The following TNFSF4 variants were observed in gnomAD, a reference collection of about 807,000 sequenced individuals.
The protein encoded by TNFSF4 is tumor necrosis factor ligand superfamily member 4.
A neutral mutation model predicts 7.3 loss-of-function variants in TNFSF4; 4 were observed. The observed-to-expected ratio is 0.55, with a 90% CI of 0.27 to 1.25. The LOEUF is 1.25. Ranked by LOEUF, TNFSF4 falls within the 50% of genes most tolerant of loss-of-function variation. The pLI is 0.12. For synonymous variants in TNFSF4, 76 were observed against 83.7 expected, an observed-to-expected ratio of 0.91 and a Z score of 0.50; for missense variants, 181 against 208.8, an observed-to-expected ratio of 0.87 and a Z score of 0.82.
chr1:173,243,005 G>GGT, the TNFSF4 span, among the ~76,000 whole-genome samples: 17 of 31,956 alleles, frequency 5.3e-4, 2 homozygotes, highest in East Asian at 2.9e-3. Context: ...GTTGGTGGGT[G>GGT]GGGGGGGGGG....
At chr1:173,444,275 C>T in the TNFSF4 span, among the ~76,000 whole-genome samples, 1 of 152,164 alleles carries the variant, frequency 6.6e-6, no homozygotes, top group Non-Finnish European at 1.5e-5. Context: ...TGCAAACACA[C>T]ACACAAACAC....
At chr1:173,384,813 AT>A in the TNFSF4 span, among the ~76,000 whole-genome samples, 1 of 152,050 alleles carries the variant, frequency 6.6e-6, no homozygotes, top group Non-Finnish European at 1.5e-5. Flanking sequence ...ACTGAGACCC[AT>A]TTTTTCTCAT....
At chr1:173,370,172 G>C in the TNFSF4 span, among the ~76,000 whole-genome samples, 1 of 152,182 alleles carries the variant, frequency 6.6e-6, no homozygotes. Flanking sequence ...TAGATATACA[G>C]ATGTCCTACA....
chr1:173,362,600 C>G, the TNFSF4 span: 2 of 506,996 alleles, frequency 3.9e-6, no homozygotes, highest in Middle Eastern at 4.7e-4. Flanking sequence ...GTTGCCAACT[C>G]CTGGGTAAGT....
the TNFSF4 span, among the ~76,000 whole-genome samples, chr1:173,231,097 A>G: frequency 6.6e-6 from 1 of 152,208 alleles, no homozygotes; most frequent in Admixed American, 6.5e-5. Context: ...TCACTTTATG[A>G]GGCCAGCATC....
the TNFSF4 span, among the ~76,000 whole-genome samples, chr1:173,283,638 A>G: frequency 2.0e-5 from 3 of 152,206 alleles, no homozygotes; most frequent in Non-Finnish European, 4.4e-5. Context: ...AAAAGCTGGT[A>G]GTCACCACAA....
chr1:173,323,419 A>C, the TNFSF4 span, among the ~76,000 whole-genome samples: 1 of 152,222 alleles, frequency 6.6e-6, no homozygotes, highest in Non-Finnish European at 1.5e-5. Context: ...AGGTAAAAAC[A>C]GAGCAGAAAA....
chr1:173,299,298 T>C, the TNFSF4 span, among the ~76,000 whole-genome samples: 1 of 151,890 alleles, frequency 6.6e-6, no homozygotes, highest in Non-Finnish European at 1.5e-5. Flanking sequence ...TTATGAAAGC[T>C]GCTTTGCCCA....
the TNFSF4 span, among the ~76,000 whole-genome samples, chr1:173,349,460 A>G: frequency 6.6e-6 from 1 of 152,230 alleles, no homozygotes; most frequent in Non-Finnish European, 1.5e-5. Flanking sequence ...TATACTATAT[A>G]TTATCATCTT....
the TNFSF4 span, among the ~76,000 whole-genome samples, chr1:173,249,985 C>T: frequency 6.6e-6 from 1 of 152,062 alleles, no homozygotes; most frequent in East Asian, 1.9e-4. Context: ...ATGTAACAAA[C>T]CTGCACATTC....
the TNFSF4 span, among the ~76,000 whole-genome samples, chr1:173,427,473 G>A: frequency 1.3e-5 from 2 of 151,872 alleles, no homozygotes. Context: ...TAGTGATGAA[G>A]TCAAGAAACC....
At chr1:173,231,201 T>C in the TNFSF4 span, among the ~76,000 whole-genome samples, 1 of 152,004 alleles carries the variant, frequency 6.6e-6, no homozygotes, top group Non-Finnish European at 1.5e-5. Flanking sequence ...CCTCAGTAAA[T>C]TACTGGCAAA....
chr1:173,269,828 G>C, the TNFSF4 span, among the ~76,000 whole-genome samples: 1 of 152,124 alleles, frequency 6.6e-6, no homozygotes, highest in Non-Finnish European at 1.5e-5. Context: ...ACTGTTTTGG[G>C]GTTCAGTAAA....
At chr1:173,191,361 C>G (rs570549287) in intron 1 of TNFSF4, among the ~76,000 whole-genome samples, 1 of 152,180 alleles carries the variant, frequency 6.6e-6, no homozygotes, top group Admixed American at 6.5e-5. Context: ...GTTTGCATAT[C>G]CTCAGAAGTC....
chr1:173,180,639 T>C (rs1649039326), downstream of TNFSF4, among the ~76,000 whole-genome samples: 1 of 152,180 alleles, frequency 6.6e-6, no homozygotes, highest in African/African-American at 2.4e-5. Flanking sequence ...ATGAGAATTG[T>C]TTATTACTTA....
chr1:173,430,786 G>C, the TNFSF4 span, among the ~76,000 whole-genome samples: 1 of 152,172 alleles, frequency 6.6e-6, no homozygotes, highest in African/African-American at 2.4e-5. Context: ...GTAACTCAGA[G>C]GCTGTGTACT....
intron 1 of TNFSF4, among the ~76,000 whole-genome samples, chr1:173,195,326 G>GGGTT (rs1333429168): frequency 1.3e-5 from 2 of 152,220 alleles, no homozygotes; most frequent in Non-Finnish European, 2.9e-5. Flanking sequence ...CAATGTTGCA[G>GGGTT]GGTTGCCTAT....
At chr1:173,376,967 C>A in the TNFSF4 span, among the ~76,000 whole-genome samples, 1 of 152,108 alleles carries the variant, frequency 6.6e-6, no homozygotes, top group Non-Finnish European at 1.5e-5. Flanking sequence ...TGTAACACTG[C>A]GAGGATCTGC....
At chr1:173,276,662 T>C in the TNFSF4 span, among the ~76,000 whole-genome samples, 1 of 152,170 alleles carries the variant, frequency 6.6e-6, no homozygotes, top group African/African-American at 2.4e-5. Context: ...AGTTTTCTAT[T>C]TGACATTTCA....
Sources: gnomAD v4.1 joint callset for allele counts (sites outside exome capture counted in the v4.1 genomes callset) on GRCh38, gnomAD v4.1.1 for gene constraint, MANE v1.5 for transcripts, NCBI Gene and HGNC (gene_info 2026-07-23, HGNC 2026-07-21) for gene names.